The following NELL1 variants were observed in gnomAD, a reference collection of about 807,000 sequenced individuals.
The protein encoded by NELL1 is protein kinase C-binding protein NELL1.
In NELL1, 76 loss-of-function variants were observed where a neutral mutation model predicts 107.4. The ratio of observed to expected loss-of-function variants is 0.71; its 90% CI spans 0.59 to 0.86. The LOEUF (loss-of-function observed/expected upper bound fraction) is 0.86, where lower values mean the gene tolerates loss of function less well. Ranked by LOEUF, NELL1 falls within the 40% of genes least tolerant of loss-of-function variation. The pLI is 0.00. For missense variants in NELL1, 1,024 were observed against 1,005.5 expected (o/e 1.02, Z -0.25); for synonymous variants, 353 against 341.2 (o/e 1.03, Z -0.38).
intron 12 of NELL1, among the ~76,000 whole-genome samples, chr11:21,017,498 A>G (rs1852595012): frequency 6.6e-6 from 1 of 152,056 alleles, no homozygotes; most frequent in African/African-American, 2.4e-5. Context: ...CCTGTAATAC[A>G]TGGAGTGGCT....
chr11:21,553,869 C>A lies in NELL1; in HGVS notation c.1787-6320C>A, dbSNP rs145625961. Among the ~76,000 whole-genome samples the A allele has an allele frequency of 2.8e-3, 431 of 151,940 alleles. 1 individual carries two copies. The highest frequency in any genetic ancestry group is 1.0e-2 in the African/African-American group (413 of 41,496). ...AAATTAAAATACAGGGAAAGTAATT[C>A]TTTTCAGCAAAGGATGAAATTTTGT... On this transcript the variant is annotated intron_variant, in intron 16 of 19. Coordinates refer to ENST00000357134, the MANE Select transcript of NELL1 (RefSeq NM_006157.5).
intron 12 of NELL1, among the ~76,000 whole-genome samples, chr11:21,112,110 T>C (rs79229096): frequency 2.0e-5 from 3 of 152,096 alleles, no homozygotes; most frequent in Admixed American, 6.6e-5. Flanking sequence ...ACCTCTGTGG[T>C]TGGCCTGCAG....
chr11:21,090,631 G>C (rs1193148282), intron 12 of NELL1, among the ~76,000 whole-genome samples: 1 of 152,078 alleles, frequency 6.6e-6, no homozygotes, highest in Non-Finnish European at 1.5e-5. Context: ...AATGCAGAGA[G>C]GTCTGCTTAA....
intron 15 of NELL1, among the ~76,000 whole-genome samples, chr11:21,465,907 T>A (rs1213002456): frequency 1.3e-5 from 2 of 152,222 alleles, no homozygotes; most frequent in Admixed American, 1.3e-4. Flanking sequence ...GTATTTCTTA[T>A]GCGTCTTCAG....
At chr11:21,440,026 G>A (rs1298600034) in intron 15 of NELL1, among the ~76,000 whole-genome samples, 4 of 151,948 alleles carry the variant, frequency 2.6e-5, no homozygotes, top group Non-Finnish European at 5.9e-5. Context: ...CTAAAATAAA[G>A]GAGAATACCA....
At chr11:21,039,336 T>G (rs757910833) in intron 12 of NELL1, among the ~76,000 whole-genome samples, 2 of 151,954 alleles carry the variant, frequency 1.3e-5, no homozygotes, top group African/African-American at 4.8e-5. Context: ...CAAGCATGTA[T>G]CACAACACCT....
chr11:21,076,933 A>G (rs1003165411), intron 12 of NELL1, among the ~76,000 whole-genome samples: 1 of 152,102 alleles, frequency 6.6e-6, no homozygotes, highest in African/African-American at 2.4e-5. Context: ...CCAGTTGCAG[A>G]TGCCAACCTA....
chr11:21,339,264 C>CT (rs1850507975), intron 14 of NELL1, among the ~76,000 whole-genome samples: 1 of 152,128 alleles, frequency 6.6e-6, no homozygotes. Context: ...CATAGCAAGA[C>CT]AACCGTATAA....
At chr11:21,394,570 T>C (rs1851943604) in intron 15 of NELL1, among the ~76,000 whole-genome samples, 1 of 151,428 alleles carries the variant, frequency 6.6e-6, no homozygotes, top group Non-Finnish European at 1.5e-5. Context: ...ATATAAAGTA[T>C]GTGAACAGAA....
chr11:21,234,886 C>T (rs1858162242), intron 14 of NELL1, among the ~76,000 whole-genome samples: 1 of 152,062 alleles, frequency 6.6e-6, no homozygotes, highest in Non-Finnish European at 1.5e-5. Flanking sequence ...AGTTGTTTTT[C>T]AGAGGCTCAC....
At chr11:20,975,953 A>T (rs1851616620) in intron 12 of NELL1, among the ~76,000 whole-genome samples, 1 of 130,878 alleles carries the variant, frequency 7.6e-6, no homozygotes, top group Admixed American at 7.6e-5. Flanking sequence ...ACATATATGT[A>T]CATTATATAT....
At chr11:21,150,281 T>C (rs547331653) in intron 13 of NELL1, among the ~76,000 whole-genome samples, 1 of 152,218 alleles carries the variant, frequency 6.6e-6, no homozygotes, top group South Asian at 2.1e-4. Context: ...TTGTAAAGCA[T>C]CCACCGTATA....
At chr11:21,070,506 G>T (rs1853985196) in intron 12 of NELL1, among the ~76,000 whole-genome samples, 1 of 152,106 alleles carries the variant, frequency 6.6e-6, no homozygotes, top group Non-Finnish European at 1.5e-5. Flanking sequence ...TCTTATTGCT[G>T]TTCCAGGGGC....
chr11:21,313,240 A>G, intron 14 of NELL1, among the ~76,000 whole-genome samples: 1 of 152,130 alleles, frequency 6.6e-6, no homozygotes, highest in East Asian at 1.9e-4. Flanking sequence ...TCTATCAGCA[A>G]GATGACCTTA....
intron 14 of NELL1, among the ~76,000 whole-genome samples, chr11:21,361,335 G>C (rs994548015): frequency 7.1e-6 from 1 of 141,464 alleles, no homozygotes; most frequent in East Asian, 2.1e-4. Flanking sequence ...TGCTTGTAAG[G>C]TTTCTGCTGA....
At chr11:21,091,256 C>A (rs1251976986) in intron 12 of NELL1, among the ~76,000 whole-genome samples, 1 of 152,080 alleles carries the variant, frequency 6.6e-6, no homozygotes. Flanking sequence ...AGATAAAGAC[C>A]TCAGAACATT....
chr11:20,848,372 G>C (rs925555766), intron 4 of NELL1, among the ~76,000 whole-genome samples: 1 of 152,140 alleles, frequency 6.6e-6, no homozygotes, highest in Non-Finnish European at 1.5e-5. Flanking sequence ...TGGAAATGTT[G>C]TCTCCCTTGT....
At chr11:21,550,450 C>T (rs1019587841) in intron 16 of NELL1, among the ~76,000 whole-genome samples, 1 of 151,980 alleles carries the variant, frequency 6.6e-6, no homozygotes, top group Non-Finnish European at 1.5e-5. Flanking sequence ...CCTAGGTTTT[C>T]TTCTAGGGTT....
intron 14 of NELL1, among the ~76,000 whole-genome samples, chr11:21,289,081 T>C (rs1276544454): frequency 1.3e-5 from 2 of 152,150 alleles, no homozygotes; most frequent in Admixed American, 1.3e-4. Flanking sequence ...GATATAAGAA[T>C]GGGGGAACAA....
Sources: allele counts gnomAD v4.1 joint callset (sites outside exome capture counted in the v4.1 genomes callset), GRCh38; gene constraint gnomAD v4.1.1; transcripts MANE v1.5; gene names NCBI Gene and HGNC (gene_info 2026-07-23, HGNC 2026-07-21).